Variants in ADARB2 observed in about 807,000 individuals in gnomAD.
The protein encoded by ADARB2 is adenosine deaminase RNA specific B2 (inactive), also known as inactive double-stranded RNA-specific editase B2.
ADARB2 carries 25 observed loss-of-function variants against 62.2 expected under a neutral mutation model. The ratio of observed to expected loss-of-function variants is 0.40; its 90% CI spans 0.29 to 0.56. ADARB2 has a LOEUF of 0.56. ADARB2 is among the 20% of genes least tolerant of loss of function. The probability of loss-of-function intolerance (pLI) is 0.43; values close to 1 mark genes in which losing one functional copy is unlikely to be tolerated. For synonymous variants in ADARB2, 572 were observed against 500.8 expected, an observed-to-expected ratio of 1.14 and a Z score of -1.90; for missense variants, 1,071 against 1,077.4, an observed-to-expected ratio of 0.99 and a Z score of 0.08.
At chr10:1,522,273 G>C (rs574297077) in intron 1 of ADARB2, among the ~76,000 whole-genome samples, 1 of 152,280 alleles carries the variant, frequency 6.6e-6, no homozygotes, top group South Asian at 2.1e-4. Flanking sequence ...CATATAACCA[G>C]ATAGACAGGG....
At chr10:1,598,560 G>A (rs1210615190) in intron 1 of ADARB2, among the ~76,000 whole-genome samples, 2 of 152,160 alleles carry the variant, frequency 1.3e-5, no homozygotes, top group Non-Finnish European at 2.9e-5. Flanking sequence ...ACCGAAACGG[G>A]TCGGGGATGT....
intron 1 of ADARB2, among the ~76,000 whole-genome samples, chr10:1,494,418 C>A (rs1200513544): frequency 3.3e-5 from 5 of 152,086 alleles, no homozygotes; most frequent in South Asian, 2.1e-4. Flanking sequence ...TGTTGGTGAA[C>A]CTGTTTGATT....
chr10:1,196,390 C>CT (rs1836912618), intron 8 of ADARB2, among the ~76,000 whole-genome samples: 2 of 151,444 alleles, frequency 1.3e-5, no homozygotes, highest in Non-Finnish European at 2.9e-5. Context: ...AAGCAAATGC[C>CT]TGGATTATGC....
rs143189032 is a variant in ADARB2 at position 1,426,945 on chromosome 10, G to A, written c.101-47785C>T. 6.6e-6 allele frequency among the ~76,000 whole-genome samples: 1 copy of A among 152,376 alleles called. No individual in the cohort carries two copies. Among genetic ancestry groups the A allele is most frequent in the East Asian group, 1.9e-4 (1 of 5,184 alleles). ...CCCCTGTCCCCAAACCCTGCCCATC[G>A]GGAAGAGGCCACAGAGCTATGTGTC... is the stretch of plus-strand genomic sequence containing the variant. On this transcript the variant is annotated intron_variant, in intron 1 of 9. Coordinates refer to ENST00000381312, the MANE Select transcript of ADARB2 (RefSeq NM_018702.4). This position sits in a 1 kb window ranked among gnomAD's most constrained non-coding sequence, Gnocchi z 4.1.
intron 1 of ADARB2, among the ~76,000 whole-genome samples, chr10:1,633,759 C>T (rs534881127): frequency 1.2e-3 from 185 of 152,264 alleles, no homozygotes; most frequent in African/African-American, 3.8e-3. Flanking sequence ...GTTGACTCTC[C>T]GAGCTGGTGT....
At chr10:1,642,940 G>A (rs950829001) in intron 1 of ADARB2, among the ~76,000 whole-genome samples, 8 of 152,152 alleles carry the variant, frequency 5.3e-5, no homozygotes, top group Non-Finnish European at 7.3e-5. Context: ...TCCACCCCGC[G>A]GCCCCCTCCT....
intron 1 of ADARB2, among the ~76,000 whole-genome samples, chr10:1,397,493 A>T (rs1329613979): frequency 2.5e-4 from 8 of 32,234 alleles, no homozygotes; most frequent in Non-Finnish European, 1.7e-4. Context: ...TCCCGAGTGG[A>T]GGCTTCCTGG....
intron 1 of ADARB2, among the ~76,000 whole-genome samples, chr10:1,670,849 T>C (rs2291871): frequency 0.25 from 37,364 of 152,046 alleles, 4,949 homozygotes; most frequent in Middle Eastern, 0.34. Context: ...TTAGGACGTC[T>C]GCGCAGGAGC....
At chr10:1,499,466 C>T (rs1017421766) in intron 1 of ADARB2, among the ~76,000 whole-genome samples, 2 of 152,018 alleles carry the variant, frequency 1.3e-5, no homozygotes, top group African/African-American at 4.8e-5. Context: ...ATTACTCACT[C>T]ATCATTCAGT....
At chr10:1,667,014 A>C (rs1834324987) in intron 1 of ADARB2, among the ~76,000 whole-genome samples, 1 of 152,246 alleles carries the variant, frequency 6.6e-6, no homozygotes, top group African/African-American at 2.4e-5. Flanking sequence ...GAGGGTTTTT[A>C]AGTTATTGTT....
chr10:1,435,055 T>C (rs1286462410), intron 1 of ADARB2, among the ~76,000 whole-genome samples: 1 of 152,162 alleles, frequency 6.6e-6, no homozygotes, highest in Non-Finnish European at 1.5e-5. Context: ...CCTCAAAAAA[T>C]TGAAGCACAG....
intron 1 of ADARB2, among the ~76,000 whole-genome samples, chr10:1,478,318 G>A (rs962079221): frequency 6.6e-6 from 1 of 152,172 alleles, no homozygotes; most frequent in Non-Finnish European, 1.5e-5. Flanking sequence ...GTCTCAACCT[G>A]GCGTTGGCAC....
chr10:1,474,321 A>ACCCCAAACT (rs1831369959), intron 1 of ADARB2, among the ~76,000 whole-genome samples: 1 of 152,136 alleles, frequency 6.6e-6, no homozygotes, highest in Non-Finnish European at 1.5e-5. Flanking sequence ...GGGGAGGGTG[A>ACCCCAAACT]GAGGACACCA....
chr10:1,221,465 G>A (rs1366791481), intron 6 of ADARB2, among the ~76,000 whole-genome samples: 3 of 150,126 alleles, frequency 2.0e-5, no homozygotes, highest in African/African-American at 7.4e-5. Context: ...TGTGCACAAC[G>A]TGCAGGTTTG....
At chr10:1,586,377 C>T (rs1474251354) in intron 1 of ADARB2, among the ~76,000 whole-genome samples, 2 of 152,166 alleles carry the variant, frequency 1.3e-5, no homozygotes, top group African/African-American at 4.8e-5. Context: ...CCACCAAATC[C>T]AGAAGATGAG....
chr10:1,688,921 T>C (rs761387777), intron 1 of ADARB2, among the ~76,000 whole-genome samples: 1 of 152,202 alleles, frequency 6.6e-6, no homozygotes, highest in South Asian at 2.1e-4. Flanking sequence ...CAAAAAACAT[T>C]TTCACAAAGA....
At chr10:1,481,284 C>G (rs1327756558) in intron 1 of ADARB2, among the ~76,000 whole-genome samples, 1 of 152,122 alleles carries the variant, frequency 6.6e-6, no homozygotes, top group Non-Finnish European at 1.5e-5. Flanking sequence ...TGAAGTAACA[C>G]CAGCTGCAAA....
intron 3 of ADARB2, among the ~76,000 whole-genome samples, chr10:1,349,531 C>T (rs1209557696): frequency 2.0e-5 from 3 of 152,172 alleles, no homozygotes; most frequent in Non-Finnish European, 4.4e-5. Context: ...GTCCTCAGAC[C>T]GACCAGCCCA....
At chr10:1,334,797 A>G (rs1831958967) in intron 3 of ADARB2, among the ~76,000 whole-genome samples, 1 of 152,166 alleles carries the variant, frequency 6.6e-6, no homozygotes, top group South Asian at 2.1e-4. Flanking sequence ...TAGCTGGGCC[A>G]TTGCTGCAAA....
Sources: gnomAD v4.1 joint callset for allele counts (sites outside exome capture counted in the v4.1 genomes callset) on GRCh38, gnomAD v4.1.1 for gene constraint, Gnocchi (gnomAD v3.1) non-coding constraint, MANE v1.5 for transcripts, NCBI Gene and HGNC (gene_info 2026-07-23, HGNC 2026-07-21) for gene names.